Variants in ATP2B3 observed in about 807,000 individuals in gnomAD.
The protein encoded by ATP2B3 is ATPase plasma membrane Ca2+ transporting 3, also known as plasma membrane calcium-transporting ATPase 3.
A neutral mutation model predicts 70.8 loss-of-function variants in ATP2B3; 12 were observed. The observed-to-expected ratio is 0.17, with a 90% confidence interval of 0.11 to 0.27. The LOEUF (loss-of-function observed/expected upper bound fraction) is 0.27. Ranked by LOEUF, ATP2B3 falls within the 10% of genes least tolerant of loss-of-function variation. The pLI, the probability that ATP2B3 is intolerant of heterozygous loss-of-function variation, is 1.00. For synonymous variants in ATP2B3, 460 were observed against 497.8 expected, an observed-to-expected ratio of 0.92 and a Z score of 1.01; for missense variants, 858 against 1,118.5, an observed-to-expected ratio of 0.77 and a Z score of 3.32.
rs201200020 is a variant in ATP2B3 at position 153,549,533 on chromosome X, G to C, written c.1375G>C (p.Asp459His). The change falls in exon 11 of 22, where the codon GAT becomes CAT. Residue 459 changes from aspartate to histidine, a missense_variant. Asp to His is a moderately conservative substitution (Grantham distance 81). Around this residue, in one of 5 missense-constraint regions of ATP2B3, gnomAD observed 23 missense variants for 59.0 expected, o/e 0.39. Transcript: ENST00000263519. Reference sequence around the variant, plus strand: ...AGACAACAACCTGGTGCGCCACCTGGATGCCTGCGAGACCATGGGCAACGC... The same window carrying C: ...AGACAACAACCTGGTGCGCCACCTGCATGCCTGCGAGACCATGGGCAACGC... The part of the protein sequence containing the change: ...MKDNNLVRHL[D>H]ACETMGNATA... 6.3e-5 allele frequency: 76 copies of C among 1,210,736 alleles called. No individual in the cohort carries two copies. Among genetic ancestry groups the C allele is most frequent in the Non-Finnish European group, 8.3e-5 (74 of 895,358 alleles).
In ATP2B3 at chrX:153,536,148, C is replaced by G. The variant is rs782494346; in HGVS notation, c.-100C>G. On this transcript the variant is annotated 5_prime_UTR_variant, in exon 3 of 22. Coordinates refer to ENST00000263519, the MANE Select transcript of ATP2B3 (RefSeq NM_001001344.3). ...TGTCCACGCTTAGCAGCTTTCTCACCGCCGCCAAACCTTGCCTGGGCACTG... is the reference window on the plus strand; with the variant it reads ...TGTCCACGCTTAGCAGCTTTCTCACGGCCGCCAAACCTTGCCTGGGCACTG... 1 of 982,803 alleles carries G rather than the reference C, an allele frequency of 1.0e-6. No homozygotes were observed. The highest frequency in any genetic ancestry group is 1.9e-5 in the African/African-American group (1 of 52,898). The allele number at this position is 982,803 out of a possible 1,213,427, so 81.0% of individuals were successfully genotyped here.
intron 21 of ATP2B3, 61 bp downstream of exon 21, chrX:153,565,164 CCAG>C: frequency 2.7e-6 from 3 of 1,106,101 alleles, no homozygotes; most frequent in Non-Finnish European, 3.6e-6. Context: ...GGCAAGCTGG[CCAG>C]CAGCAGCCGA....
chrX:153,560,542 T>A (rs2239683), intron 18 of ATP2B3, 134 bp from the exon 19 acceptor site: 290,824 of 741,200 alleles, frequency 0.39, 41,610 homozygotes, highest in Admixed American at 0.49. Context: ...GCCTTGGGCC[T>A]TGGCCGTGAG....
Position 153,562,200 on chromosome X carries a change from C to T in ATP2B3, c.3117C>T (p.Leu1039=), listed in dbSNP as rs146243554. 2.1e-5 allele frequency: 25 copies of T among 1,210,896 alleles called. No individual in the cohort carries two copies. Among genetic ancestry groups the T allele is most frequent in the Non-Finnish European group, 2.8e-5 (25 of 895,317 alleles). The stretch of plus-strand genomic sequence containing the variant: ...CCCCACTATCCACAGAACAGTGGCT[C>T]TGGTGCCTGTTTGTTGGTGTTGGGG... ...SCSPLSTEQW[L]WCLFVGVGEL... Residue 1039 remains leucine (L), a synonymous_variant, in exon 20 of 22, where the codon CTC becomes CTT. Coordinates refer to ENST00000263519, the MANE Select transcript of ATP2B3 (RefSeq NM_001001344.3).
At chrX:153,527,283 C>T (rs1443890760) in intron 2 of ATP2B3, among the ~76,000 whole-genome samples, 2 of 112,482 alleles carry the variant, frequency 1.8e-5, no homozygotes, top group Non-Finnish European at 3.8e-5. Context: ...ACCCCAAACA[C>T]GAGGTCTCCG....
chrX:153,579,854 C>G (rs1448485724), intron 21 of ATP2B3, 124 bp from the exon 22 acceptor site: 3 of 612,528 alleles, frequency 4.9e-6, no homozygotes, highest in African/African-American at 4.6e-5. Flanking sequence ...TTTACCAGCA[C>G]CAGCCGGCCA....
intron 17 of ATP2B3, among the ~76,000 whole-genome samples, chrX:153,559,025 T>G (rs1377722582): frequency 1.5e-5 from 1 of 67,806 alleles, no homozygotes; most frequent in Non-Finnish European, 2.7e-5. Context: ...CTTGGTCTTT[T>G]CAAAACAATT....
intron 17 of ATP2B3, 124 bp from the exon 18 acceptor site, chrX:153,559,605 T>C: frequency 1.7e-6 from 1 of 594,589 alleles, no homozygotes; most frequent in Non-Finnish European, 2.7e-6. Context: ...GAGATGTCTG[T>C]TTTCATGGGC....
In ATP2B3 at chrX:153,580,322, G is replaced by A. The variant is rs781893498; in HGVS notation, c.*24G>A. On this transcript the variant is annotated 3_prime_UTR_variant, in exon 22 of 22. Transcript: ENST00000263519. ...AACAAGAACTTGTCTCAGCACATGCGCACACGCACACTCGGACTCACACGA... is the reference window on the plus strand; with the variant it reads ...AACAAGAACTTGTCTCAGCACATGCACACACGCACACTCGGACTCACACGA... The A allele has an allele frequency of 2.2e-5, 26 of 1,172,327 alleles. No individual in the cohort carries two copies. Among genetic ancestry groups the A allele is most frequent in the Admixed American group, 4.4e-5 (2 of 45,056 alleles).
chrX:153,573,575 A>T (rs111754772), intron 21 of ATP2B3, among the ~76,000 whole-genome samples: 3,660 of 112,456 alleles, frequency 0.033, 145 homozygotes, highest in African/African-American at 0.11. Context: ...TTCCAGGCAA[A>T]CCCTAAAGTA....
At position 153,582,760 on chromosome X, in the gene ATP2B3, C is replaced by T. The variant is rs1169525037; in HGVS notation, c.*2462C>T. On this transcript the variant is annotated 3_prime_UTR_variant, in exon 22 of 22. Transcript: ENST00000263519. ...ATGGCTTGGTCAACTGTGTTCAGTT[C>T]ATAAATATGTTTTACATTTTTATCT... is the stretch of plus-strand genomic sequence containing the variant. The T allele has an allele frequency of 8.9e-6, 1 of 112,284 alleles. No homozygotes were observed. The highest frequency in any genetic ancestry group is 1.9e-5 in the Non-Finnish European group (1 of 53,174). The allele number at this position is 112,284 out of a possible 1,213,427, so 9.3% of individuals were successfully genotyped here.
intron 21 of ATP2B3, among the ~76,000 whole-genome samples, chrX:153,565,627 C>G (rs1338620968): frequency 8.9e-6 from 1 of 112,565 alleles, no homozygotes; most frequent in Non-Finnish European, 1.9e-5. Context: ...TAGGGCCGGC[C>G]AAGACCAAGG....
chrX:153,536,539 C>T (rs1386233636), intron 3 of ATP2B3, 84 bp downstream of exon 3: 1 of 1,055,751 alleles, frequency 9.5e-7, no homozygotes, highest in Non-Finnish European at 1.3e-6. Flanking sequence ...AGCCCCAAGG[C>T]TGGCCAGGGT....
Position 153,541,405 on chromosome X carries a change from C to T in ATP2B3, c.255C>T (p.Tyr85=), listed in dbSNP as rs782385153. ...TNDLEKRRQI[Y]GQNFIPPKQP... is the part of the protein sequence containing the mutation. Reference sequence around the variant, plus strand: ...ACCTGGAGAAGCGCAGGCAGATCTACGGGCAGAACTTCATCCCCCCAAAGC... The same window carrying T: ...ACCTGGAGAAGCGCAGGCAGATCTATGGGCAGAACTTCATCCCCCCAAAGC... Residue 85 remains tyrosine (Y), a synonymous_variant, in exon 4 of 22, where the codon TAC becomes TAT. Coordinates refer to ENST00000263519, the MANE Select transcript of ATP2B3 (RefSeq NM_001001344.3). The T allele has an allele frequency of 1.6e-5, 19 of 1,210,475 alleles. No homozygotes were observed. In the East Asian group the frequency reaches 2.1e-4, roughly 13 times the overall value.
chrX:153,532,052 AG>A lies in ATP2B3; in HGVS notation c.-126-4068del, dbSNP rs199764006. Among the ~76,000 whole-genome samples the A allele has an allele frequency of 9.1e-3, 1,018 of 112,378 alleles. 14 individuals carry two copies. The highest frequency in any genetic ancestry group is 0.031 in the African/African-American group (969 of 30,952). The stretch of plus-strand genomic sequence containing the variant: ...CATGACCCACCTCAAGTCACATGGA[AG>A]GCAGGGCTGGGAGAACCAGGGCAAA... On this transcript the variant is annotated intron_variant, in intron 2 of 21. Coordinates refer to ENST00000263519, the MANE Select transcript of ATP2B3 (RefSeq NM_001001344.3).
At chrX:153,565,773 T>C (rs2090697985) in intron 21 of ATP2B3, among the ~76,000 whole-genome samples, 1 of 112,636 alleles carries the variant, frequency 8.9e-6, no homozygotes, top group East Asian at 2.8e-4. Context: ...AGACTCGCTG[T>C]GTCTCCACAC....
chrX:153,562,086 G>A lies in ATP2B3; in HGVS notation c.3052-49G>A, dbSNP rs782399297. Reference sequence around the variant, plus strand: ...TTCAAGGGGTTGGAGGACAAGGGTGGCTCAGGAGCCGCGGCTGGACCTGCC... The same window carrying A: ...TTCAAGGGGTTGGAGGACAAGGGTGACTCAGGAGCCGCGGCTGGACCTGCC... On this transcript the variant is annotated intron_variant, in intron 19 of 21. Transcript: ENST00000263519. 2.4e-5 allele frequency: 27 copies of A among 1,134,449 alleles called. No homozygotes were observed. The Middle Eastern group carries it at 7.2e-4, about 30-fold the overall frequency. The allele number at this position is 1,134,449 out of a possible 1,213,427, so 93.5% of individuals were successfully genotyped here.
In ATP2B3 at chrX:153,541,696, A is replaced by T. The variant is rs2090284581; in HGVS notation, c.434A>T (p.Glu145Val). 8.3e-7 allele frequency: 1 copy of T among 1,209,585 alleles called. No homozygotes were observed. The highest frequency in any genetic ancestry group is 1.1e-6 in the Non-Finnish European group (1 of 895,090). Reference sequence around the variant, plus strand: ...TGTGGGAATGTGTCGGGAGGCGCAGAAGATGAGGGCGAGGCCGAAGCTGGC... The same window carrying T: ...TGTGGGAATGTGTCGGGAGGCGCAGTAGATGAGGGCGAGGCCGAAGCTGGC... Reference protein sequence around the residue: ...EACGNVSGGAEDEGEAEAGWI... With the variant: ...EACGNVSGGAVDEGEAEAGWI... Residue 145 changes from glutamate (E) to valine (V), a missense_variant, in exon 5 of 22, where the codon GAA becomes GTA. Glu to Val is a moderately radical substitution (Grantham distance 121). Around this residue, in one of 5 missense-constraint regions of ATP2B3, gnomAD observed 278 missense variants for 366.2 expected, o/e 0.76. Coordinates refer to ENST00000263519, the MANE Select transcript of ATP2B3 (RefSeq NM_001001344.3).
chrX:153,576,652 A>T (rs2090860616), intron 21 of ATP2B3, among the ~76,000 whole-genome samples: 1 of 111,996 alleles, frequency 8.9e-6, no homozygotes, highest in East Asian at 2.8e-4. Flanking sequence ...TATAGACAGC[A>T]TTGACAGCCC....
Sources: gnomAD v4.1 joint callset for allele counts (sites outside exome capture counted in the v4.1 genomes callset) on GRCh38, gnomAD v4.1.1 for gene constraint, gnomAD v4.1.1 regional missense constraint, MANE v1.5 for transcripts, NCBI Gene and HGNC (gene_info 2026-07-23, HGNC 2026-07-21) for gene names.